Variants in REV1 observed in about 807,000 individuals in gnomAD.
REV1 encodes REV1 DNA directed polymerase.
REV1 carries 42 observed loss-of-function variants against 137.4 expected under a neutral mutation model. The observed-to-expected ratio is 0.31, with a 90% CI of 0.24 to 0.40. The LOEUF is 0.40. REV1 is among the 10% of genes least tolerant of loss of function. The pLI, the probability that REV1 is intolerant of heterozygous loss-of-function variation, is 1.00. For synonymous variants in REV1, 524 were observed against 519.2 expected (o/e 1.01, Z -0.12); for missense variants, 1,282 against 1,490.1 (o/e 0.86, Z 2.30).
chr2:99,476,369 A>G (rs544207690), intron 1 of REV1, among the ~76,000 whole-genome samples: 1 of 152,166 alleles, frequency 6.6e-6, no homozygotes, highest in Non-Finnish European at 1.5e-5. Flanking sequence ...CAGCCTGGCC[A>G]ACATGGTGAA....
intron 5 of REV1, among the ~76,000 whole-genome samples, chr2:99,439,974 G>C (rs1183474535): frequency 6.6e-6 from 1 of 152,144 alleles, no homozygotes; most frequent in African/African-American, 2.4e-5. Context: ...TAGACAAAAA[G>C]TAAAGCCATG....
chr2:99,476,329 G>A (rs1256316392), intron 1 of REV1, among the ~76,000 whole-genome samples: 2 of 152,104 alleles, frequency 1.3e-5, no homozygotes, highest in South Asian at 2.1e-4. Flanking sequence ...AGGCTGAGGC[G>A]GGCAGATCAC....
At chr2:99,466,246 C>T (rs1316981662) in intron 1 of REV1, among the ~76,000 whole-genome samples, 1 of 148,614 alleles carries the variant, frequency 6.7e-6, no homozygotes, top group Non-Finnish European at 1.5e-5. Flanking sequence ...CCACCGTGCC[C>T]GGCCTCTTTT....
intron 1 of REV1, among the ~76,000 whole-genome samples, chr2:99,481,779 G>A (rs1686636107): frequency 6.6e-6 from 1 of 152,146 alleles, no homozygotes; most frequent in Admixed American, 6.5e-5. Flanking sequence ...TGAGGCAGGA[G>A]GATCACTTTG....
At chr2:99,409,862 C>CCT (rs1553540919) in intron 14 of REV1, among the ~76,000 whole-genome samples, 1 of 135,544 alleles carries the variant, frequency 7.4e-6, no homozygotes, top group Non-Finnish European at 1.6e-5. Flanking sequence ...AACCCCCCCC[C>CCT]CCCCCAAAAA....
chr2:99,409,410 C>A (rs966681941), intron 14 of REV1, among the ~76,000 whole-genome samples: 1 of 152,166 alleles, frequency 6.6e-6, no homozygotes, highest in East Asian at 1.9e-4. Context: ...AAGTAGCTTT[C>A]AGTGTCAAAA....
intron 3 of REV1, among the ~76,000 whole-genome samples, chr2:99,450,641 AAAT>A (rs1460273566): frequency 6.6e-6 from 1 of 152,214 alleles, no homozygotes; most frequent in African/African-American, 2.4e-5. Flanking sequence ...ATTCAGTAGA[AAAT>A]ATTATGCAAG....
chr2:99,473,295 G>A (rs890576618), intron 1 of REV1, among the ~76,000 whole-genome samples: 10 of 151,624 alleles, frequency 6.6e-5, no homozygotes, highest in Admixed American at 5.9e-4. Context: ...TTGAACCCAG[G>A]AGGCAGAGGT....
intron 1 of REV1, among the ~76,000 whole-genome samples, chr2:99,479,155 C>A (rs1686304923): frequency 6.6e-6 from 1 of 151,704 alleles, no homozygotes; most frequent in Non-Finnish European, 1.5e-5. Flanking sequence ...TGGTGAAATC[C>A]CGTCTCTACT....
rs1311420489 is a variant in REV1, at chr2:99,435,891, C to T, written c.1264G>A (p.Val422Ile). 2 of 1,608,988 alleles carry T rather than the reference C, an allele frequency of 1.2e-6. No homozygotes were observed. Among genetic ancestry groups the T allele is most frequent in the East Asian group, 2.2e-5 (1 of 44,700 alleles). The part of the protein sequence containing the change: ...SPRHQSCIMH[V>I]DMDCFFVSVG... The stretch of plus-strand genomic sequence containing the variant: ...GATACAAAGAAGCAATCCATATCAA[C>T]ATGCATTATACAGCTCTGATGTCTG... The change falls in exon 7 of 23, where the codon GTT becomes ATT. Residue 422 changes from valine to isoleucine, a missense_variant. This residue lies in a region of REV1 where 432 missense variants were observed against 438.0 expected (regional missense o/e 0.99). Coordinates refer to ENST00000258428, the MANE Select transcript of REV1 (RefSeq NM_016316.4).
chr2:99,425,174 CTTGTT>C (rs1481593841), intron 9 of REV1, among the ~76,000 whole-genome samples: 1 of 151,974 alleles, frequency 6.6e-6, no homozygotes, highest in African/African-American at 2.4e-5. Context: ...GGAGACGTGC[CTTGTT>C]TTAAGAAACG....
At chr2:99,435,565 G>A in intron 7 of REV1, 1 of 209,286 alleles carries the variant, frequency 4.8e-6, no homozygotes, top group Non-Finnish European at 9.4e-6. Context: ...TAAAAATTTA[G>A]AAAATGCCCA....
chr2:99,469,123 G>A (rs1685130188), intron 1 of REV1, among the ~76,000 whole-genome samples: 1 of 152,150 alleles, frequency 6.6e-6, no homozygotes, highest in South Asian at 2.1e-4. Flanking sequence ...GGTGGATATG[G>A]TGGGGAGAAG....
At chr2:99,417,341 A>C (rs1438176737) in intron 12 of REV1, among the ~76,000 whole-genome samples, 1 of 152,000 alleles carries the variant, frequency 6.6e-6, no homozygotes, top group Non-Finnish European at 1.5e-5. Context: ...ACAGGGTTTC[A>C]CCATGTTGGC....
chr2:99,470,338 C>G (rs1307704283), intron 1 of REV1, among the ~76,000 whole-genome samples: 1 of 152,024 alleles, frequency 6.6e-6, no homozygotes, highest in African/African-American at 2.4e-5. Context: ...TTTATTAATA[C>G]AGTCATATAT....
intron 5 of REV1, 128 bp downstream of exon 5, chr2:99,442,189 T>C (rs1575115018): frequency 2.6e-6 from 2 of 776,874 alleles, no homozygotes; most frequent in Non-Finnish European, 3.8e-6. Flanking sequence ...GAGGCAGAGG[T>C]TGCAATGAGC....
chr2:99,417,300 C>T (rs1678034245), intron 12 of REV1, among the ~76,000 whole-genome samples: 1 of 152,062 alleles, frequency 6.6e-6, no homozygotes, highest in Non-Finnish European at 1.5e-5. Context: ...CCACCTACCC[C>T]CAGCTAATTT....
At chr2:99,438,445 A>C in intron 6 of REV1, 156 bp downstream of exon 6, 1 of 588,606 alleles carries the variant, frequency 1.7e-6, no homozygotes, top group Non-Finnish European at 3.0e-6. Flanking sequence ...TTAATAAATT[A>C]GCTTTCTATG....
chr2:99,442,275 A>AAC (rs759373048), intron 5 of REV1, 42 bp downstream of exon 5: 2 of 1,500,720 alleles, frequency 1.3e-6, no homozygotes, highest in South Asian at 2.6e-5. Context: ...AAAAAAAAAA[A>AAC]ACCAACCAGC....
Sources: gnomAD v4.1 joint callset for allele counts (sites outside exome capture counted in the v4.1 genomes callset) on GRCh38, gnomAD v4.1.1 for gene constraint, gnomAD v4.1.1 regional missense constraint, MANE v1.5 for transcripts, NCBI Gene and HGNC (gene_info 2026-07-23, HGNC 2026-07-21) for gene names.